The following PATE4 variants were observed in gnomAD, a reference collection of about 807,000 sequenced individuals.
PATE4 encodes the protein prostate and testis expressed 4.
PATE4 carries 13 observed loss-of-function variants against 8.5 expected under a neutral mutation model. That is an observed-to-expected ratio of 1.53 (90% CI 1.00 to 2.43). PATE4 has a LOEUF of 2.43. PATE4 is among the 30% of genes most tolerant of loss of function. PATE4 has a pLI of 0.00. For missense variants in PATE4, 127 were observed against 115.5 expected (o/e 1.10, Z -0.46); for synonymous variants, 47 against 39.3 (o/e 1.20, Z -0.73).
chr11:125,837,866 A>C lies in PATE4; in HGVS notation c.59-2A>C, dbSNP rs11220236. ...GAATATTCTATTCTCTCCACCCTGC[A>C]GTTATGGGTCTGAAGTGTAATACCT... is the stretch of plus-strand genomic sequence containing the variant. On this transcript the variant is annotated splice_acceptor_variant, in intron 1 of 2. Transcript: ENST00000457514. LOFTEE classifies it high-confidence loss of function. 885,479 of 1,544,562 alleles carry C rather than the reference A, an allele frequency of 0.57. 255,626 individuals are homozygous for C. The highest frequency in any genetic ancestry group is 0.59 in the Non-Finnish European group (671,153 of 1,141,286).
At position 125,838,458 on chromosome 11, in the gene PATE4, G is replaced by A. The variant is rs1021012187; in HGVS notation, c.*31G>A. ...CTTAGGAACTTGCAGAGGATCATCT[G>A]ATCAAGATCCAGAATCAAGACCAAC... On this transcript the variant is annotated 3_prime_UTR_variant, in exon 3 of 3. Coordinates refer to ENST00000457514, the MANE Select transcript of PATE4 (RefSeq NM_001144874.1). 1.3e-6 allele frequency: 2 copies of A among 1,522,424 alleles called. No individual in the cohort carries two copies. Among genetic ancestry groups the A allele is most frequent in the African/African-American group, 2.8e-5 (2 of 71,328 alleles). 94.3% of individuals were successfully genotyped at this position (1,522,424 alleles called of 1,614,324 possible). A position where few individuals can be genotyped will look rare whatever the true frequency, so the allele number is the denominator to read the frequency against.
intron 1 of PATE4, among the ~76,000 whole-genome samples, chr11:125,834,744 TA>T (rs1227025812): frequency 6.6e-6 from 1 of 152,220 alleles, no homozygotes; most frequent in Non-Finnish European, 1.5e-5. Context: ...TTGCAGCAGA[TA>T]ATATCAAAAA....
rs768644724 is a variant in PATE4 at position 125,838,762 on chromosome 11, A to T, written c.*335A>T. ...CTCTGGAACCTGTGAATGTTACCTT[A>T]CATGGCAAAAGGGACTTTGAAAATG... is the stretch of plus-strand genomic sequence containing the variant. On this transcript the variant is annotated 3_prime_UTR_variant, in exon 3 of 3. Transcript: ENST00000457514. 1 of 220,064 alleles carries T rather than the reference A, an allele frequency of 4.5e-6. No homozygotes were observed. The highest frequency in any genetic ancestry group is 8.8e-6 in the Non-Finnish European group (1 of 113,314). 13.6% of individuals were successfully genotyped at this position (220,064 alleles called of 1,614,324 possible).
chr11:125,837,485 A>C (rs1943928964), intron 1 of PATE4, among the ~76,000 whole-genome samples: 1 of 152,072 alleles, frequency 6.6e-6, no homozygotes, highest in African/African-American at 2.4e-5. Flanking sequence ...CCTACATCTC[A>C]AGAGCCAGCT....
In PATE4 at chr11:125,838,432, G is replaced by T; in HGVS notation, c.*5G>T. 6.5e-7 allele frequency: 1 copy of T among 1,538,822 alleles called. No individual in the cohort carries two copies. Among genetic ancestry groups the T allele is most frequent in the South Asian group, 1.2e-5 (1 of 81,660 alleles). On this transcript the variant is annotated 3_prime_UTR_variant, in exon 3 of 3. Transcript: ENST00000457514. ...AACTTCTGTAATGTCTTCTAATGGA[G>T]CTTAGGAACTTGCAGAGGATCATCT...
chr11:125,838,589 C>T lies in PATE4; in HGVS notation c.*162C>T. On this transcript the variant is annotated 3_prime_UTR_variant, in exon 3 of 3. Coordinates refer to ENST00000457514, the MANE Select transcript of PATE4 (RefSeq NM_001144874.1). ...TGCAATGAAGGGGCTCCCCACACCC[C>T]ACCTCCACCACTAGATTCCTAAAAT... 4.6e-6 allele frequency: 3 copies of T among 650,590 alleles called. No individual in the cohort carries two copies. The highest frequency in any genetic ancestry group is 7.1e-6 in the Non-Finnish European group (3 of 421,868). 40.3% of individuals were successfully genotyped at this position (650,590 alleles called of 1,614,324 possible). A position where few individuals can be genotyped will look rare whatever the true frequency, so the allele number is the denominator to read the frequency against.
At chr11:125,838,117 G>A in intron 2 of PATE4, 133 bp downstream of exon 2, 1 of 989,094 alleles carries the variant, frequency 1.0e-6, no homozygotes, top group South Asian at 1.6e-5. Context: ...GGGGCAAGAA[G>A]GGATAATTTC....
At chr11:125,836,231 G>A (rs1156241371) in intron 1 of PATE4, among the ~76,000 whole-genome samples, 1 of 151,466 alleles carries the variant, frequency 6.6e-6, no homozygotes, top group Admixed American at 6.6e-5. Context: ...GATGGGTAGT[G>A]GGCAGAAGAA....
chr11:125,834,214 A>G (rs994534835), intron 1 of PATE4, among the ~76,000 whole-genome samples: 4 of 152,230 alleles, frequency 2.6e-5, no homozygotes. Flanking sequence ...AGCTCTTAAA[A>G]GAAAAACTGA....
In PATE4 at chr11:125,837,963, TCAA is replaced by T. The variant is rs1171810158; in HGVS notation, c.160_162del (p.Thr54del). 2.6e-6 allele frequency: 4 copies of T among 1,551,554 alleles called. No homozygotes were observed. The East Asian group carries it at 9.8e-5, about 38-fold the overall frequency. On this transcript the variant is annotated inframe_deletion, in exon 2 of 3. Coordinates refer to ENST00000457514, the MANE Select transcript of PATE4 (RefSeq NM_001144874.1). ...CATTGCAAAAGAAAATGAGTTATGT[TCAA>T]CAACAGCCTATTTCAGGGGTAAGTG...
intron 1 of PATE4, among the ~76,000 whole-genome samples, chr11:125,836,136 T>TTG (rs1555092588): frequency 6.6e-6 from 1 of 151,562 alleles, no homozygotes; most frequent in East Asian, 1.9e-4. Context: ...TTTTTTTTTT[T>TTG]TTTCTAAAAG....
In PATE4 at chr11:125,837,892, G is replaced by C. The variant is rs796631987; in HGVS notation, c.83G>C (p.Cys28Ser). The C allele has an allele frequency of 8.4e-6, 13 of 1,551,274 alleles. No homozygotes were observed. Among genetic ancestry groups the C allele is most frequent in the African/African-American group, 1.4e-5 (1 of 73,002 alleles). The change falls in exon 2 of 3, where the codon TGC becomes TCC. Residue 28 changes from cysteine (C) to serine (S), a missense_variant. By Grantham distance (112) the Cys-to-Ser change is moderately radical. Transcript: ENST00000457514. ...KEVMGLKCNT[C>S]IYTEGWKCMA... ...GTTATGGGTCTGAAGTGTAATACCTGCATATACACAGAAGGATGGAAGTGT... is the reference window on the plus strand; with the variant it reads ...GTTATGGGTCTGAAGTGTAATACCTCCATATACACAGAAGGATGGAAGTGT...
At position 125,838,558 on chromosome 11, in the gene PATE4, C is replaced by A; in HGVS notation, c.*131C>A. 8.7e-7 allele frequency: 1 copy of A among 1,146,516 alleles called. No individual in the cohort carries two copies. Among genetic ancestry groups the A allele is most frequent in the Non-Finnish European group, 1.2e-6 (1 of 857,552 alleles). 71.0% of individuals were successfully genotyped at this position (1,146,516 alleles called of 1,614,324 possible). The stretch of plus-strand genomic sequence containing the variant: ...TCCCAGAGAGAGCTGCAGGGGCTGT[C>A]CTCATTGCAATGAAGGGGCTCCCCA... On this transcript the variant is annotated 3_prime_UTR_variant, in exon 3 of 3. Coordinates refer to ENST00000457514, the MANE Select transcript of PATE4 (RefSeq NM_001144874.1).
intron 1 of PATE4, chr11:125,835,089 T>C (rs935679610): frequency 1.3e-5 from 2 of 152,224 alleles, no homozygotes; most frequent in African/African-American, 2.4e-5. Flanking sequence ...GTCACATCAA[T>C]GTATTACCTA....
chr11:125,837,982 G>A lies in PATE4; in HGVS notation c.173G>A (p.Arg58Lys). Reference protein sequence around the residue: ...NELCSTTAYFRGDKHMYSTHM... With the variant: ...NELCSTTAYFKGDKHMYSTHM... ...TTATGTTCAACAACAGCCTATTTCA[G>A]GGGTAAGTGGGGCTCATGAAGACTC... is the stretch of plus-strand genomic sequence containing the variant. The change falls in exon 2 of 3, where the codon AGG becomes AAG. Residue 58 changes from arginine (R) to lysine (K), a missense_variant and splice_region_variant. Transcript: ENST00000457514. 1 of 1,549,962 alleles carries A rather than the reference G, an allele frequency of 6.5e-7. No individual in the cohort carries two copies. Among genetic ancestry groups the A allele is most frequent in the Non-Finnish European group, 8.7e-7 (1 of 1,145,466 alleles).
At chr11:125,836,791 A>G (rs1397011625) in intron 1 of PATE4, among the ~76,000 whole-genome samples, 1 of 152,078 alleles carries the variant, frequency 6.6e-6, no homozygotes, top group East Asian at 1.9e-4. Flanking sequence ...CCCAGCACCT[A>G]AAAAAATGTC....
intron 1 of PATE4, among the ~76,000 whole-genome samples, chr11:125,837,346 G>A (rs1407547740): frequency 6.6e-6 from 1 of 152,142 alleles, no homozygotes; most frequent in Non-Finnish European, 1.5e-5. Context: ...AGCTATCAGA[G>A]GGTGTAATCT....
At chr11:125,833,937 C>A (rs958024807) in intron 1 of PATE4, among the ~76,000 whole-genome samples, 1 of 152,140 alleles carries the variant, frequency 6.6e-6, no homozygotes, top group African/African-American at 2.4e-5. Context: ...AGTCTTTCAT[C>A]AACAAACACC....
In PATE4 at chr11:125,840,025, C is replaced by T. The variant is rs1008297001; in HGVS notation, c.*1598C>T. 6 of 152,114 alleles carry T rather than the reference C, an allele frequency of 3.9e-5. No individual in the cohort carries two copies. Among genetic ancestry groups the T allele is most frequent in the African/African-American group, 1.2e-4 (5 of 41,414 alleles). The allele number at this position is 152,114 out of a possible 1,614,324, so 9.4% of individuals were successfully genotyped here. ...CAGTCTTTAACCTATGTGAAGCCACCTTTGTAATACTGCCTTAAGTAAAGA... is the reference window on the plus strand; with the variant it reads ...CAGTCTTTAACCTATGTGAAGCCACTTTTGTAATACTGCCTTAAGTAAAGA... On this transcript the variant is annotated 3_prime_UTR_variant, in exon 3 of 3. Coordinates refer to ENST00000457514, the MANE Select transcript of PATE4 (RefSeq NM_001144874.1).
Sources: gnomAD v4.1 joint callset for allele counts (sites outside exome capture counted in the v4.1 genomes callset) on GRCh38, gnomAD v4.1.1 for gene constraint, MANE v1.5 for transcripts, NCBI Gene and HGNC (gene_info 2026-07-23, HGNC 2026-07-21) for gene names.